The following IQGAP1 variants were observed in gnomAD, a reference collection of about 807,000 sequenced individuals.
The protein encoded by IQGAP1 is IQ motif containing GTPase activating protein 1, also known as ras GTPase-activating-like protein IQGAP1.
Under a neutral mutation model 215.6 loss-of-function variants are expected in IQGAP1, and 66 were observed. The ratio of observed to expected loss-of-function variants is 0.31; its 90% CI spans 0.25 to 0.38. IQGAP1 has a LOEUF of 0.38. Ranked by LOEUF, IQGAP1 falls within the 10% of genes least tolerant of loss-of-function variation. The pLI is 1.00. For synonymous variants in IQGAP1, 772 were observed against 728.7 expected (o/e 1.06, Z -0.96); for missense variants, 1,712 against 1,997.1 (o/e 0.86, Z 2.72).
At chr15:90,467,743 G>C in intron 18 of IQGAP1, 151 bp downstream of exon 18, 1 of 649,594 alleles carries the variant, frequency 1.5e-6, no homozygotes, top group Non-Finnish European at 2.4e-6. Context: ...TTTTGTAGTA[G>C]TTGGGGGAGT....
intron 23 of IQGAP1, chr15:90,475,782 A>G (rs945598692): frequency 2.6e-5 from 4 of 150,972 alleles, no homozygotes; most frequent in African/African-American, 9.8e-5. Context: ...AAAATTATTT[A>G]AGACATAAAA....
Position 90,492,724 on chromosome 15 carries a change from T to C in IQGAP1, c.4628+13T>C, listed in dbSNP as rs1430003052. ...CCAGCAAGGGCAAGTGAGTATTTTTTCTTTTTAAAGAATCAATGTCAGAAT... is the reference window on the plus strand; with the variant it reads ...CCAGCAAGGGCAAGTGAGTATTTTTCCTTTTTAAAGAATCAATGTCAGAAT... On this transcript the variant is annotated intron_variant, in intron 35 of 37. Coordinates refer to ENST00000268182, the MANE Select transcript of IQGAP1 (RefSeq NM_003870.4). 1 of 1,595,512 alleles carries C rather than the reference T, an allele frequency of 6.3e-7. No homozygotes were observed. Among genetic ancestry groups the C allele is most frequent in the Admixed American group, 1.8e-5 (1 of 54,996 alleles).
chr15:90,440,764 G>A, intron 7 of IQGAP1, 149 bp downstream of exon 7: 1 of 589,696 alleles, frequency 1.7e-6, no homozygotes, highest in Admixed American at 3.1e-5. Context: ...CTTCCATGCT[G>A]TTATTATTTG....
Position 90,497,070 on chromosome 15 carries a change from C to A in IQGAP1, c.4752-162C>A, listed in dbSNP as rs1596296568. ...AGTCCCAGAGCAGATGGTACTTGGG[C>A]TTGGCAATCTGTGCTGCTTCAGCTG... is the stretch of plus-strand genomic sequence containing the variant. On this transcript the variant is annotated intron_variant, in intron 36 of 37. Transcript: ENST00000268182. 9.0e-6 allele frequency: 5 copies of A among 552,638 alleles called. No individual in the cohort carries two copies. The East Asian group carries it at 1.2e-4, about 14-fold the overall frequency. The allele number at this position is 552,638 out of a possible 1,614,324, so 34.2% of individuals were successfully genotyped here.
intron 2 of IQGAP1, among the ~76,000 whole-genome samples, chr15:90,420,748 G>C (rs1261043833): frequency 6.6e-6 from 1 of 152,162 alleles, no homozygotes; most frequent in Non-Finnish European, 1.5e-5. Flanking sequence ...TTTGAGACAA[G>C]AGTTTCACTG....
At chr15:90,464,579 A>C (rs759354848) in intron 15 of IQGAP1, among the ~76,000 whole-genome samples, 1 of 152,136 alleles carries the variant, frequency 6.6e-6, no homozygotes, top group Non-Finnish European at 1.5e-5. Context: ...GGCCAGGCGC[A>C]GTGGCTCACA....
At chr15:90,394,135 C>CAAAA (rs56810085) in intron 2 of IQGAP1, among the ~76,000 whole-genome samples, 1 of 74,388 alleles carries the variant, frequency 1.3e-5, no homozygotes, top group Non-Finnish European at 2.4e-5. Flanking sequence ...AACTCTGTCT[C>CAAAA]AAAAAAAAAA....
At chr15:90,406,233 C>T (rs1418884478) in intron 2 of IQGAP1, among the ~76,000 whole-genome samples, 3 of 152,164 alleles carry the variant, frequency 2.0e-5, no homozygotes, top group African/African-American at 7.2e-5. Context: ...GCTTGGGAGC[C>T]AACATGGGCT....
At chr15:90,444,404 C>T (rs1434852690) in intron 9 of IQGAP1, among the ~76,000 whole-genome samples, 1 of 151,758 alleles carries the variant, frequency 6.6e-6, no homozygotes, top group African/African-American at 2.4e-5. Flanking sequence ...GTTTCAAATT[C>T]TCTAGTAGCT....
Position 90,441,694 on chromosome 15 carries a change from C to G in IQGAP1, c.828+10C>G. 4 of 1,572,096 alleles carry G rather than the reference C, an allele frequency of 2.5e-6. No homozygotes were observed. Among genetic ancestry groups the G allele is most frequent in the Non-Finnish European group, 3.5e-6 (4 of 1,147,878 alleles). On this transcript the variant is annotated intron_variant, in intron 8 of 37. Transcript: ENST00000268182. The stretch of plus-strand genomic sequence containing the variant: ...AAATGCTAAAAACAGGGTAAAAATG[C>G]AACATCTATTCTTTCTAATTAATTT...
Position 90,426,152 on chromosome 15 carries a change from A to G in IQGAP1, c.198A>G (p.Thr66=), listed in dbSNP as rs929961818. 4 of 1,605,668 alleles carry G rather than the reference A, an allele frequency of 2.5e-6. No homozygotes were observed. The African/African-American group carries it at 5.4e-5, about 22-fold the overall frequency. Residue 66 remains threonine (T), a synonymous_variant, in exon 3 of 38, where the codon ACA becomes ACG. Coordinates refer to ENST00000268182, the MANE Select transcript of IQGAP1 (RefSeq NM_003870.4). ...ACLGEDLPPT[T]ELEEGLRNGV... ...TAGGGGAAGATCTGCCTCCCACCAC[A>G]GAACTGGAGGAGGGGCTTAGGAATG...
chr15:90,473,807 G>T lies in IQGAP1; in HGVS notation c.2433+9G>T. On this transcript the variant is annotated intron_variant, in intron 20 of 37. Coordinates refer to ENST00000268182, the MANE Select transcript of IQGAP1 (RefSeq NM_003870.4). The stretch of plus-strand genomic sequence containing the variant: ...AAGATGAAGTTGTAAAGGTATGGTA[G>T]CCTGAACAGGGTTTCTCCATGAGGG... 6.2e-7 allele frequency: 1 copy of T among 1,612,320 alleles called. No homozygotes were observed. The highest frequency in any genetic ancestry group is 8.5e-7 in the Non-Finnish European group (1 of 1,179,096).
rs181382143 is a variant in IQGAP1 at position 90,401,931 on chromosome 15, G to C, written c.155+11058G>C. On this transcript the variant is annotated intron_variant, in intron 2 of 37. Coordinates refer to ENST00000268182, the MANE Select transcript of IQGAP1 (RefSeq NM_003870.4). ...TATTTTAAAGAGGGAAAAAAATAGA[G>C]TTGATAACACTTTTCCCAAGGTCAT... 5.1e-4 allele frequency among the ~76,000 whole-genome samples: 78 copies of C among 152,306 alleles called. 1 individual carries two copies. Among genetic ancestry groups the C allele is most frequent in the Middle Eastern group, 6.8e-3 (2 of 292 alleles).
intron 6 of IQGAP1, 82 bp from the exon 7 acceptor site, chr15:90,440,420 C>T: frequency 1.1e-6 from 1 of 928,764 alleles, no homozygotes; most frequent in Non-Finnish European, 1.7e-6. Context: ...TATCCCATTG[C>T]ATAGTTGAGG....
chr15:90,416,339 A>G (rs542575691), intron 2 of IQGAP1, among the ~76,000 whole-genome samples: 1 of 152,204 alleles, frequency 6.6e-6, no homozygotes, highest in Admixed American at 6.5e-5. Flanking sequence ...AGTCTTTGCT[A>G]TTGTGAATGG....
At chr15:90,408,093 A>G (rs893070386) in intron 2 of IQGAP1, among the ~76,000 whole-genome samples, 5 of 152,222 alleles carry the variant, frequency 3.3e-5, no homozygotes, top group Admixed American at 2.0e-4. Context: ...GGGAAAGCAT[A>G]ACACTATGTA....
chr15:90,475,356 C>T (rs1372128485), intron 23 of IQGAP1, among the ~76,000 whole-genome samples: 1 of 151,364 alleles, frequency 6.6e-6, no homozygotes, highest in East Asian at 2.0e-4. Flanking sequence ...TGGTCTGGAA[C>T]TCCTGGCCTC....
At chr15:90,395,422 G>A (rs949643494) in intron 2 of IQGAP1, among the ~76,000 whole-genome samples, 2 of 151,950 alleles carry the variant, frequency 1.3e-5, no homozygotes, top group African/African-American at 2.4e-5. Context: ...CCAGGTTAAC[G>A]CCATTCTCCT....
rs554352085 is a variant in IQGAP1, at chr15:90,401,430, G to A, written c.155+10557G>A. On this transcript the variant is annotated intron_variant, in intron 2 of 37. Transcript: ENST00000268182. ...AGTACTTTAAGGCAGCTAAAGGAAAGCCAAAATAATCCCCCAAAACAAAAA... is the reference window on the plus strand; with the variant it reads ...AGTACTTTAAGGCAGCTAAAGGAAAACCAAAATAATCCCCCAAAACAAAAA... Among the ~76,000 whole-genome samples, 621 of 152,230 alleles carry A rather than the reference G, an allele frequency of 4.1e-3. 2 individuals carry two copies. The highest frequency in any genetic ancestry group is 0.014 in the African/African-American group (595 of 41,532).
Sources: allele counts gnomAD v4.1 joint callset (sites outside exome capture counted in the v4.1 genomes callset), GRCh38; gene constraint gnomAD v4.1.1; transcripts MANE v1.5; gene names NCBI Gene and HGNC (gene_info 2026-07-23, HGNC 2026-07-21).